The following AGBL2 variants were observed in gnomAD, a reference collection of about 807,000 sequenced individuals.
AGBL2 encodes AGBL carboxypeptidase 2.
In AGBL2, 87 loss-of-function variants were observed where a neutral mutation model predicts 103.0. That is an observed-to-expected ratio of 0.84 (90% CI 0.71 to 1.01). The LOEUF is 1.01. AGBL2 is among the 50% of genes least tolerant of loss of function. AGBL2 has a pLI of 0.00. For missense variants in AGBL2, 904 were observed against 1,023.5 expected (o/e 0.88, Z 1.59); for synonymous variants, 335 against 356.7 (o/e 0.94, Z 0.69).
chr11:47,690,935 T>G (rs2097442817), intron 9 of AGBL2, 77 bp from the exon 10 acceptor site: 1 of 1,223,542 alleles, frequency 8.2e-7, no homozygotes, highest in Non-Finnish European at 1.1e-6. Context: ...TGTTGTTTTC[T>G]CCTGGTAAAA....
chr11:47,669,438 G>A (rs557708423), intron 14 of AGBL2, among the ~76,000 whole-genome samples: 2 of 152,260 alleles, frequency 1.3e-5, no homozygotes, highest in African/African-American at 4.8e-5. Flanking sequence ...GGGAGGCCAA[G>A]GTGGGTGGAT....
chr11:47,669,111 A>G (rs2097349579), intron 14 of AGBL2, among the ~76,000 whole-genome samples: 2 of 152,162 alleles, frequency 1.3e-5, no homozygotes, highest in African/African-American at 4.8e-5. Flanking sequence ...TCTGTCACCC[A>G]GGCTGGAGTG....
intron 13 of AGBL2, 128 bp from the exon 14 acceptor site, chr11:47,677,529 C>T: frequency 2.3e-6 from 1 of 429,590 alleles, no homozygotes; most frequent in Non-Finnish European, 3.4e-6. Context: ...TCTTGGCTCA[C>T]TGCAACCTCT....
At chr11:47,665,886 G>C (rs965688434) in intron 17 of AGBL2, among the ~76,000 whole-genome samples, 19 of 152,154 alleles carry the variant, frequency 1.2e-4, no homozygotes, top group African/African-American at 4.6e-4. Flanking sequence ...GCATGTGCCT[G>C]TAATCCCAGC....
At chr11:47,665,586 G>C (rs1448369770) in intron 17 of AGBL2, among the ~76,000 whole-genome samples, 1 of 151,950 alleles carries the variant, frequency 6.6e-6, no homozygotes, top group Admixed American at 6.6e-5. Context: ...GTCTCAGATA[G>C]GTGGGACTAT....
At chr11:47,687,800 T>C (rs2097429893) in intron 10 of AGBL2, among the ~76,000 whole-genome samples, 1 of 146,260 alleles carries the variant, frequency 6.8e-6, no homozygotes, top group African/African-American at 2.5e-5. Context: ...TTTTCTTTTC[T>C]TTCTTTCTTT....
At chr11:47,694,229 C>CAA (rs34944577) in intron 8 of AGBL2, among the ~76,000 whole-genome samples, 28 of 125,806 alleles carry the variant, frequency 2.2e-4, no homozygotes, top group Middle Eastern at 4.1e-3. Context: ...ACTCCCAAGC[C>CAA]AAAAAAAAAA....
intron 14 of AGBL2, among the ~76,000 whole-genome samples, chr11:47,671,762 G>A (rs2097358316): frequency 6.6e-6 from 1 of 152,152 alleles, no homozygotes; most frequent in East Asian, 1.9e-4. Context: ...TGTTTTTCTA[G>A]TCAAGGAGTA....
intron 4 of AGBL2, among the ~76,000 whole-genome samples, chr11:47,707,510 C>G (rs755571578): frequency 6.6e-6 from 1 of 152,126 alleles, no homozygotes; most frequent in Non-Finnish European, 1.5e-5. Flanking sequence ...TATCTGATCT[C>G]GTGAGACTTA....
At position 47,705,603 on chromosome 11, in the gene AGBL2, C is replaced by A. The variant is rs949479751; in HGVS notation, c.318G>T (p.Trp106Cys). The A allele has an allele frequency of 2.5e-5, 13 of 512,724 alleles. No individual in the cohort carries two copies. In the Admixed American group the frequency reaches 3.6e-4, roughly 14 times the overall value. The allele number at this position is 512,724 out of a possible 1,614,324, so 31.8% of individuals were successfully genotyped here. The change falls in exon 6 of 19, where the codon TGG becomes TGT. Residue 106 changes from tryptophan (W) to cysteine (C), a missense_variant. Physicochemically the swap from Trp to Cys is radical, Grantham distance 215. Coordinates refer to ENST00000525123, the MANE Select transcript of AGBL2 (RefSeq NM_024783.4). ...GAGGTTGCAGTGAGCTGAGGCCGCG[C>A]CACTGCATCCAGCCCAGGCAAGAGT... ...DFHSCLGWMQWRGLSSLQPPP... is the reference protein window; with the variant it reads ...DFHSCLGWMQCRGLSSLQPPP...
At chr11:47,666,692 T>G (rs568526930) in intron 17 of AGBL2, 1 of 597,148 alleles carries the variant, frequency 1.7e-6, no homozygotes, top group Admixed American at 3.2e-5. Flanking sequence ...AGTAGAGGGA[T>G]GAATGGATGG....
At chr11:47,679,058 CAAAAAAAAAAAAAAA>C (rs56307962) in intron 13 of AGBL2, among the ~76,000 whole-genome samples, 1 of 28,190 alleles carries the variant, frequency 3.5e-5, no homozygotes, top group Non-Finnish European at 5.3e-5. Flanking sequence ...GACCCTGTCT[CAAAAAAAAAAAAAAA>C]AAAAAAAAAA....
chr11:47,695,475 C>CA (rs56047450), intron 8 of AGBL2, among the ~76,000 whole-genome samples: 41,552 of 76,098 alleles, frequency 0.55, 11,576 homozygotes, highest in East Asian at 0.7. Context: ...AACTCTGTCT[C>CA]AAAAAAAAAA....
At chr11:47,669,189 T>A (rs1052999884) in intron 14 of AGBL2, among the ~76,000 whole-genome samples, 1 of 152,182 alleles carries the variant, frequency 6.6e-6, no homozygotes. Context: ...CACCTCAGCC[T>A]TCTGAGCAAC....
At position 47,691,595 on chromosome 11, in the gene AGBL2, C is replaced by G. The variant is rs376554034; in HGVS notation, c.848+508G>C. On this transcript the variant is annotated intron_variant, in intron 9 of 18. Transcript: ENST00000525123. ...TGGTGGCAGGCGCCTGTAGTCCTAG[C>G]TACTCAGGAGGCTGAGGCAGGAGAA... is the stretch of plus-strand genomic sequence containing the variant. Among the ~76,000 whole-genome samples the G allele has an allele frequency of 2.7e-5, 4 of 147,034 alleles. No homozygotes were observed. The East Asian group carries it at 8.1e-4, about 30-fold the overall frequency.
chr11:47,666,170 G>C (rs896954083), intron 17 of AGBL2, among the ~76,000 whole-genome samples: 6 of 152,066 alleles, frequency 3.9e-5, no homozygotes, highest in African/African-American at 1.4e-4. Flanking sequence ...AAAGTGGGTG[G>C]ATTACTTGAG....
intron 17 of AGBL2, among the ~76,000 whole-genome samples, chr11:47,664,602 G>A (rs959500249): frequency 1.3e-5 from 2 of 151,842 alleles, no homozygotes; most frequent in African/African-American, 2.4e-5. Flanking sequence ...TAGTAGACAC[G>A]GGGTTTCACT....
At chr11:47,678,343 A>ATTATTATTATTTTTT (rs2097385523) in intron 13 of AGBL2, among the ~76,000 whole-genome samples, 1 of 116,760 alleles carries the variant, frequency 8.6e-6, no homozygotes, top group Non-Finnish European at 1.9e-5. Flanking sequence ...TTATTATTTT[A>ATTATTATTATTTTTT]TTTTTTTTGA....
intron 11 of AGBL2, among the ~76,000 whole-genome samples, chr11:47,683,785 T>A (rs1211177385): frequency 1.4e-5 from 2 of 146,780 alleles, no homozygotes; most frequent in East Asian, 2.0e-4. Context: ...AAAAAAAAAA[T>A]TAAAATACTT....
Sources: gnomAD v4.1 joint callset for allele counts (sites outside exome capture counted in the v4.1 genomes callset) on GRCh38, gnomAD v4.1.1 for gene constraint, MANE v1.5 for transcripts, NCBI Gene and HGNC (gene_info 2026-07-23, HGNC 2026-07-21) for gene names.